The following NFX1 variants were observed in gnomAD, a reference collection of about 807,000 sequenced individuals.
NFX1 encodes transcriptional repressor NF-X1.
A neutral mutation model predicts 137.2 loss-of-function variants in NFX1; 69 were observed. That is an observed-to-expected ratio of 0.50 (90% CI 0.41 to 0.61). NFX1 has a LOEUF of 0.61. Ranked by LOEUF, NFX1 falls within the 20% of genes least tolerant of loss-of-function variation. The pLI, the probability that NFX1 is intolerant of heterozygous loss-of-function variation, is 0.00. For missense variants in NFX1, 1,167 were observed against 1,391.0 expected (o/e 0.84, Z 2.56); for synonymous variants, 495 against 474.1 (o/e 1.04, Z -0.57).
chr9:33,343,315 T>A (rs1823295555), intron 13 of NFX1, among the ~76,000 whole-genome samples: 1 of 152,178 alleles, frequency 6.6e-6, no homozygotes, highest in African/African-American at 2.4e-5. Context: ...ATTAGTATAT[T>A]TAAGAATAAT....
At chr9:33,308,717 A>G (rs749825952) in intron 5 of NFX1, among the ~76,000 whole-genome samples, 1 of 152,228 alleles carries the variant, frequency 6.6e-6, no homozygotes, top group Non-Finnish European at 1.5e-5. Flanking sequence ...TAGTGCATCT[A>G]TGCGGCTCGA....
chr9:33,330,378 A>C (rs763871126), intron 10 of NFX1, among the ~76,000 whole-genome samples: 17 of 152,358 alleles, frequency 1.1e-4, no homozygotes, highest in South Asian at 8.3e-4. Flanking sequence ...TTCAGAAAAA[A>C]GGGAAAAGTA....
At chr9:33,312,188 T>C (rs1353710867) in intron 6 of NFX1, among the ~76,000 whole-genome samples, 4 of 152,220 alleles carry the variant, frequency 2.6e-5, no homozygotes, top group African/African-American at 7.2e-5. Flanking sequence ...ACTGAACTTA[T>C]GTGGACAGCC....
intron 14 of NFX1, among the ~76,000 whole-genome samples, chr9:33,345,065 G>A (rs1220026716): frequency 2.0e-5 from 3 of 152,080 alleles, no homozygotes; most frequent in African/African-American, 7.2e-5. Flanking sequence ...AGGAGGCTGA[G>A]GCAGGAGAAT....
intron 9 of NFX1, among the ~76,000 whole-genome samples, chr9:33,323,012 T>G (rs1452658775): frequency 6.6e-6 from 1 of 152,196 alleles, no homozygotes; most frequent in Admixed American, 6.5e-5. Flanking sequence ...ATTGATGCCC[T>G]GGAACATTGT....
In NFX1 at chr9:33,318,944, G is replaced by A; in HGVS notation, c.1723G>A (p.Val575Met). The change falls in exon 9 of 24, where the codon GTG (valine) becomes ATG (methionine). Residue 575 changes from valine to methionine, a missense_variant. Physicochemically the swap from Val to Met is conservative, Grantham distance 21 (BLOSUM62 1). Coordinates refer to ENST00000379540, the MANE Select transcript of NFX1 (RefSeq NM_002504.6). ...LKCGNHTCSQ[V>M]CHPQPCQQCP... ...ATGCGGTAACCATACATGTTCGCAA[G>A]TGTGCCACCCTCAGCCCTGCCAGCA... 1 of 1,614,236 alleles carries A rather than the reference G, an allele frequency of 6.2e-7. No homozygotes were observed. Among genetic ancestry groups the A allele is most frequent in the Non-Finnish European group, 8.5e-7 (1 of 1,180,048 alleles).
chr9:33,328,586 A>C lies in NFX1; in HGVS notation c.1912A>C (p.Ile638Leu). 6.2e-7 allele frequency: 1 copy of C among 1,608,332 alleles called. No individual in the cohort carries two copies. The highest frequency in any genetic ancestry group is 8.5e-7 in the Non-Finnish European group (1 of 1,175,396). The change falls in exon 10 of 24, where the codon ATT becomes CTT. Residue 638 changes from isoleucine (I) to leucine (L), a missense_variant. Ile to Leu is a conservative substitution (Grantham distance 5). Around this residue, in one of 3 missense-constraint regions of NFX1, gnomAD observed 488 missense variants for 691.5 expected, o/e 0.71. Coordinates refer to ENST00000379540, the MANE Select transcript of NFX1 (RefSeq NM_002504.6). ...KPLPCGSLDF[I>L]HTCEKLCHEG... ...TCTTTTCGTTTTTATTAAAGATTTC[A>C]TTCATACCTGTGAAAAGCTCTGCCA...
At chr9:33,318,686 C>G (rs780823681) in intron 7 of NFX1, 45 bp from the exon 8 acceptor site, 1 of 1,510,618 alleles carries the variant, frequency 6.6e-7, no homozygotes, top group Non-Finnish European at 9.2e-7. Context: ...TTTTAAGAAC[C>G]CATACATGTT....
intron 11 of NFX1, among the ~76,000 whole-genome samples, chr9:33,333,870 C>T (rs1271997471): frequency 1.3e-5 from 2 of 152,168 alleles, no homozygotes; most frequent in African/African-American, 4.8e-5. Context: ...TGGGTCCAAG[C>T]CTGGTGGCTC....
chr9:33,358,155 C>T lies in NFX1; in HGVS notation c.2873+3263C>T, dbSNP rs1222741286. Among the ~76,000 whole-genome samples, 3 of 151,838 alleles carry T rather than the reference C, an allele frequency of 2.0e-5. No individual in the cohort carries two copies. In the South Asian group the frequency reaches 6.2e-4, roughly 32 times the overall value. On this transcript the variant is annotated intron_variant, in intron 19 of 23. Coordinates refer to ENST00000379540, the MANE Select transcript of NFX1 (RefSeq NM_002504.6). The stretch of plus-strand genomic sequence containing the variant: ...TAATTTTTTTTTTGAGACAGAGTCT[C>T]GTTCTGTTTCCCAGGCTGGAGTGCA...
intron 4 of NFX1, among the ~76,000 whole-genome samples, chr9:33,305,371 A>C (rs923551852): frequency 6.6e-6 from 1 of 152,246 alleles, no homozygotes; most frequent in African/African-American, 2.4e-5. Flanking sequence ...GTTCAAAATC[A>C]ACAGGGTTTA....
intron 11 of NFX1, among the ~76,000 whole-genome samples, chr9:33,337,723 T>G (rs1340267806): frequency 8.2e-6 from 1 of 122,504 alleles, no homozygotes; most frequent in East Asian, 2.5e-4. Flanking sequence ...AAAGAGACCC[T>G]GTCTCTTTAA....
intron 7 of NFX1, among the ~76,000 whole-genome samples, chr9:33,317,556 C>G (rs1822214290): frequency 6.9e-6 from 1 of 145,096 alleles, no homozygotes; most frequent in African/African-American, 2.6e-5. Context: ...TCAAGGCAGG[C>G]ACAGTGGCTC....
Position 33,352,702 on chromosome 9 carries a change from A to C in NFX1, c.2712A>C (p.Ala904=). Residue 904 remains alanine, a synonymous_variant, in exon 17 of 24, where the codon GCA becomes GCC. Coordinates refer to ENST00000379540, the MANE Select transcript of NFX1 (RefSeq NM_002504.6). ...AAGAGATGGTGATTTGCTCTGAAGCATCTAGTACTTATCAAAGGTTAGTGT... is the reference window on the plus strand; with the variant it reads ...AAGAGATGGTGATTTGCTCTGAAGCCTCTAGTACTTATCAAAGGTTAGTGT... ...RRKEMVICSE[A]SSTYQRIAAI... The C allele has an allele frequency of 6.2e-7, 1 of 1,614,058 alleles. No homozygotes were observed. Among genetic ancestry groups the C allele is most frequent in the Non-Finnish European group, 8.5e-7 (1 of 1,179,872 alleles).
At chr9:33,355,558 TTAC>T (rs1445611808) in intron 19 of NFX1, among the ~76,000 whole-genome samples, 7 of 152,268 alleles carry the variant, frequency 4.6e-5, no homozygotes, top group Non-Finnish European at 1.0e-4. Context: ...TTTTTTTGTA[TTAC>T]TATTCATTTA....
chr9:33,348,879 C>CA (rs11381680), intron 15 of NFX1, among the ~76,000 whole-genome samples: 3,907 of 144,826 alleles, frequency 0.027, 167 homozygotes, highest in African/African-American at 0.091. Flanking sequence ...TGTCCTATAC[C>CA]AAAAAAAAAA....
At chr9:33,296,709 G>C (rs1385050325) in intron 2 of NFX1, among the ~76,000 whole-genome samples, 2 of 152,236 alleles carry the variant, frequency 1.3e-5, no homozygotes, top group Non-Finnish European at 2.9e-5. Flanking sequence ...GGATAACAGA[G>C]CAAGACCCTG....
intron 9 of NFX1, 50 bp from the exon 10 acceptor site, chr9:33,328,531 A>G (rs1230743214): frequency 1.1e-5 from 16 of 1,431,504 alleles, no homozygotes; most frequent in Non-Finnish European, 1.6e-5. Context: ...GGGAGTATGA[A>G]AATGAGTAGT....
Position 33,370,101 on chromosome 9 carries a change from C to CCTG in NFX1, c.*123_*124insCTG. 2 of 687,546 alleles carry CCTG rather than the reference C, an allele frequency of 2.9e-6. No homozygotes were observed. Among genetic ancestry groups the CCTG allele is most frequent in the South Asian group, 3.6e-5 (2 of 55,076 alleles). 42.6% of individuals were successfully genotyped at this position (687,546 alleles called of 1,614,324 possible). ...TCACAGTCTCACATACTGTCTTGTA[C>CCTG]TGACACATCCAAAGCATGAGTGTGT... On this transcript the variant is annotated 3_prime_UTR_variant, in exon 24 of 24. Transcript: ENST00000379540.
Sources: allele counts gnomAD v4.1 joint callset (sites outside exome capture counted in the v4.1 genomes callset), GRCh38; gene constraint gnomAD v4.1.1; regional missense constraint gnomAD v4.1.1; transcripts MANE v1.5; gene names NCBI Gene and HGNC (gene_info 2026-07-23, HGNC 2026-07-21).